The following UST variants were observed in gnomAD, a reference collection of about 807,000 sequenced individuals.
UST encodes chondroitin sulfate 2-O-sulfotransferase.
In UST, 21 loss-of-function variants were observed where a neutral mutation model predicts 45.6. The observed-to-expected ratio is 0.46, with a 90% CI of 0.33 to 0.66. UST has a LOEUF of 0.66. Among genes scored for constraint, UST ranks in the 30% least tolerant of loss-of-function variants. The pLI is 0.02. For missense variants in UST, 463 were observed against 512.4 expected, an observed-to-expected ratio of 0.90 and a Z score of 0.93; for synonymous variants, 215 against 200.6, an observed-to-expected ratio of 1.07 and a Z score of -0.61.
intron 1 of UST, among the ~76,000 whole-genome samples, chr6:148,805,493 A>G (rs1300719329): frequency 7.2e-5 from 11 of 152,210 alleles, no homozygotes; most frequent in Admixed American, 7.2e-4. Context: ...TGACATAAAA[A>G]GGGGAGAAAA....
chr6:148,781,988 G>A (rs548520583), intron 1 of UST, among the ~76,000 whole-genome samples: 1 of 152,236 alleles, frequency 6.6e-6, no homozygotes, highest in South Asian at 2.1e-4. Context: ...TGTACAAGGA[G>A]ATTAATGTTG....
At chr6:148,839,854 G>C (rs571691822) in intron 1 of UST, among the ~76,000 whole-genome samples, 3 of 152,292 alleles carry the variant, frequency 2.0e-5, no homozygotes, top group African/African-American at 7.2e-5. Flanking sequence ...ATTGTACAGA[G>C]AAGGTAAAAA....
chr6:148,982,133 C>T (rs1262459317), intron 5 of UST, among the ~76,000 whole-genome samples: 2 of 150,400 alleles, frequency 1.3e-5, no homozygotes, highest in Non-Finnish European at 1.5e-5. Context: ...GAGTCTTACA[C>T]TGTCACCCAG....
At position 148,964,828 on chromosome 6, in the gene UST, G is replaced by T. The variant is rs573492592; in HGVS notation, c.681+265G>T. Reference sequence around the variant, plus strand: ...AGTGCTAGGTTTTGGGACCCAGAGCGTTAACAGTCTTTCCTAAGGAGTCCT... The same window carrying T: ...AGTGCTAGGTTTTGGGACCCAGAGCTTTAACAGTCTTTCCTAAGGAGTCCT... On this transcript the variant is annotated intron_variant, in intron 5 of 7. Transcript: ENST00000367463. 56 of 485,036 alleles carry T rather than the reference G, an allele frequency of 1.2e-4. No homozygotes were observed. In the Admixed American group the frequency reaches 1.9e-3, roughly 16 times the overall value. 30.0% of individuals were successfully genotyped at this position (485,036 alleles called of 1,614,324 possible). A position where few individuals can be genotyped will look rare whatever the true frequency, so the allele number is the denominator to read the frequency against.
intron 1 of UST, among the ~76,000 whole-genome samples, chr6:148,822,730 G>A (rs1044631029): frequency 6.6e-6 from 1 of 152,150 alleles, no homozygotes; most frequent in Admixed American, 6.5e-5. Context: ...GGGGGTTTGT[G>A]ATCTCAAATG....
intron 3 of UST, among the ~76,000 whole-genome samples, chr6:148,949,039 C>G (rs919722391): frequency 2.6e-5 from 4 of 152,044 alleles, no homozygotes; most frequent in Non-Finnish European, 4.4e-5. Context: ...ACCTGTAATC[C>G]TAGCACTTTG....
intron 1 of UST, among the ~76,000 whole-genome samples, chr6:148,812,177 A>G (rs549881291): frequency 6.6e-6 from 1 of 152,302 alleles, no homozygotes; most frequent in East Asian, 1.9e-4. Flanking sequence ...ATACATGCAT[A>G]CTTTCTATAT....
chr6:148,991,460 G>A (rs960341489), intron 5 of UST, among the ~76,000 whole-genome samples: 26 of 151,362 alleles, frequency 1.7e-4, no homozygotes, highest in African/African-American at 5.1e-4. Context: ...TGCTGCACCC[G>A]TTAACTCATC....
chr6:148,989,603 T>A (rs2114990642), intron 5 of UST, among the ~76,000 whole-genome samples: 1 of 152,142 alleles, frequency 6.6e-6, no homozygotes, highest in East Asian at 1.9e-4. Flanking sequence ...CCAAAGGAGA[T>A]CATATAGGTC....
At chr6:148,835,171 A>G (rs35002440) in intron 1 of UST, among the ~76,000 whole-genome samples, 6 of 151,964 alleles carry the variant, frequency 3.9e-5, no homozygotes, top group Non-Finnish European at 8.8e-5. Flanking sequence ...TAAAAATAAT[A>G]CAATTAAAAA....
At chr6:149,002,695 T>TG (rs1781574358) in intron 5 of UST, among the ~76,000 whole-genome samples, 1 of 152,022 alleles carries the variant, frequency 6.6e-6, no homozygotes, top group Non-Finnish European at 1.5e-5. Flanking sequence ...TTACTAGAGG[T>TG]GGGGTTTCAC....
chr6:148,943,725 G>A (rs1220384749), intron 3 of UST, among the ~76,000 whole-genome samples: 3 of 152,152 alleles, frequency 2.0e-5, no homozygotes, highest in Non-Finnish European at 4.4e-5. Flanking sequence ...TGTGTATTGT[G>A]TAGTTGAAAC....
chr6:148,950,788 C>T (rs554749141), intron 3 of UST, among the ~76,000 whole-genome samples: 6 of 152,312 alleles, frequency 3.9e-5, no homozygotes, highest in African/African-American at 1.4e-4. Flanking sequence ...TACCATCTAC[C>T]TCATGGTGGT....
chr6:148,890,317 T>A (rs1225543097), intron 2 of UST, among the ~76,000 whole-genome samples: 1 of 152,094 alleles, frequency 6.6e-6, no homozygotes, highest in Non-Finnish European at 1.5e-5. Context: ...GCCTCAGTGG[T>A]TTAGGTCTGT....
At chr6:148,849,625 A>C (rs1778066776) in intron 1 of UST, among the ~76,000 whole-genome samples, 2 of 152,190 alleles carry the variant, frequency 1.3e-5, no homozygotes, top group African/African-American at 4.8e-5. Flanking sequence ...ATCATGGTGG[A>C]AGGTGCCTTT....
rs375364467 is a variant in UST, at chr6:149,021,526, T to C, written c.937+45T>C. On this transcript the variant is annotated intron_variant, in intron 7 of 7. Transcript: ENST00000367463. ...AGCTCTTCTCCATGAGAGGTCTGTG[T>C]CCAGGGCTACTCACCTTGAAAAGGC... 1.9e-6 allele frequency: 3 copies of C among 1,605,014 alleles called. No homozygotes were observed. The African/African-American group carries it at 4.0e-5, about 22-fold the overall frequency.
At chr6:149,056,385 G>A (rs1776567175) in intron 7 of UST, among the ~76,000 whole-genome samples, 1 of 151,964 alleles carries the variant, frequency 6.6e-6, no homozygotes, top group African/African-American at 2.4e-5. Flanking sequence ...GGGATTACAG[G>A]CCTAAGCCAC....
At chr6:148,904,483 T>C (rs67087050) in intron 2 of UST, among the ~76,000 whole-genome samples, 18,945 of 152,094 alleles carry the variant, frequency 0.12, 1,376 homozygotes, top group Middle Eastern at 0.17. Flanking sequence ...TTATTTCCAA[T>C]ATGAATATTA....
chr6:148,874,558 C>G (rs1427704375), intron 1 of UST, among the ~76,000 whole-genome samples: 1 of 152,040 alleles, frequency 6.6e-6, no homozygotes, highest in Non-Finnish European at 1.5e-5. Flanking sequence ...ATATGTTTGC[C>G]TTTGTTAACC....
Sources: gnomAD v4.1 joint callset for allele counts (sites outside exome capture counted in the v4.1 genomes callset) on GRCh38, gnomAD v4.1.1 for gene constraint, MANE v1.5 for transcripts, NCBI Gene and HGNC (gene_info 2026-07-23, HGNC 2026-07-21) for gene names.